MEG3: variants seen among roughly 807,000 people sequenced by gnomAD.
MEG3 encodes maternally expressed 3.
intron 2 of MEG3, among the ~76,000 whole-genome samples, chr14:100,836,619 G>A (rs1048763655): frequency 5.3e-5 from 8 of 151,220 alleles, no homozygotes; most frequent in Non-Finnish European, 1.0e-4. Flanking sequence ...CCCTCAGTAC[G>A]GCTTTGCTGA....
chr14:100,834,433 C>A (rs529533312), exon 1 of MEG3: 8 of 277,036 alleles, frequency 2.9e-5, no homozygotes, highest in African/African-American at 4.5e-5. Context: ...TAAAAACTTT[C>A]AAAAGTTAAC....
exon 1 of MEG3, chr14:100,834,656 G>T: frequency 2.2e-6 from 1 of 456,094 alleles, no homozygotes; most frequent in Non-Finnish European, 4.4e-6. Flanking sequence ...ATCCCGGGGT[G>T]CCCTTGACCA....
upstream of MEG3, chr14:100,856,093 G>A (rs573584730): frequency 1.3e-5 from 2 of 152,228 alleles, no homozygotes; most frequent in African/African-American, 4.8e-5. Flanking sequence ...AGGAGTTAAT[G>A]CCCAGCTCTG....
upstream of MEG3, chr14:100,857,012 G>A (rs1203761825): frequency 6.6e-6 from 1 of 152,190 alleles, no homozygotes; most frequent in Non-Finnish European, 1.5e-5. Context: ...GCGAGTGGTA[G>A]CGCTTACGTT....
intron 3 of MEG3, chr14:100,851,227 C>T (rs1051162939): frequency 8.5e-5 from 13 of 152,300 alleles, no homozygotes; most frequent in African/African-American, 2.2e-4. Flanking sequence ...CCCTGAGCCC[C>T]GCAGAAGGTT....
intron 2 of MEG3, among the ~76,000 whole-genome samples, chr14:100,840,037 G>A (rs1362822131): frequency 6.6e-6 from 1 of 152,220 alleles, no homozygotes; most frequent in African/African-American, 2.4e-5. Flanking sequence ...AGCCCTTGGC[G>A]ATCGTGGGCG....
At chr14:100,827,506 G>C (rs1452109600) in intron 1 of MEG3, 1 of 152,362 alleles carries the variant, frequency 6.6e-6, no homozygotes, top group African/African-American at 2.4e-5. Flanking sequence ...CGTGGCTTCG[G>C]GTGTTGTGGA....
intron 3 of MEG3, chr14:100,849,152 CAT>C (rs1044053539): frequency 2.0e-5 from 3 of 152,078 alleles, no homozygotes; most frequent in African/African-American, 4.8e-5. Flanking sequence ...TAAATAAAGA[CAT>C]AAATATGTGG....
chr14:100,836,185 G>A (rs754079969), exon 2 of MEG3: 32 of 456,122 alleles, frequency 7.0e-5, no homozygotes, highest in Middle Eastern at 3.3e-4. Context: ...GCCGTGGCCC[G>A]GCTGGGTCGG....
At chr14:100,859,498 C>G (rs752140378) in exon 1 of MEG3, 3 of 152,342 alleles carry the variant, frequency 2.0e-5, no homozygotes, top group East Asian at 3.9e-4. Flanking sequence ...TCCTCCGCCC[C>G]CCATGCCCTC....
chr14:100,835,846 T>G (rs961389411), exon 1 of MEG3: 2 of 266,190 alleles, frequency 7.5e-6, no homozygotes, highest in African/African-American at 4.7e-5. Flanking sequence ...CAGACTCCTG[T>G]CCCATCCCAG....
intron 2 of MEG3, among the ~76,000 whole-genome samples, chr14:100,842,903 A>G (rs1040497305): frequency 6.6e-6 from 1 of 152,150 alleles, no homozygotes; most frequent in Non-Finnish European, 1.5e-5. Context: ...GCTTGTGACA[A>G]TTACTCCTCT....
exon 1 of MEG3, chr14:100,860,062 G>C (rs1487344357): frequency 2.6e-5 from 4 of 153,730 alleles, no homozygotes; most frequent in Non-Finnish European, 5.8e-5. Flanking sequence ...CGGCTCTCCT[G>C]GTGGGCCCGG....
intron 1 of MEG3, among the ~76,000 whole-genome samples, chr14:100,828,000 C>T (rs2139932746): frequency 6.6e-6 from 1 of 152,218 alleles, no homozygotes; most frequent in South Asian, 2.1e-4. Context: ...GCGCAGGAGG[C>T]GCCTGGTGCG....
upstream of MEG3, chr14:100,855,178 T>C (rs1884541): frequency 0.86 from 130,866 of 152,614 alleles, 56,787 homozygotes; most frequent in Middle Eastern, 0.95. Context: ...GGTATCCGAG[T>C]TTGGGAGGCC....
At chr14:100,828,127 T>C (rs2037296791) in intron 1 of MEG3, among the ~76,000 whole-genome samples, 1 of 152,006 alleles carries the variant, frequency 6.6e-6, no homozygotes, top group Non-Finnish European at 1.5e-5. Flanking sequence ...GAGCCCTTCC[T>C]AGCCTGAGAC....
chr14:100,840,021 C>T (rs1427891302), intron 2 of MEG3, among the ~76,000 whole-genome samples: 1 of 152,198 alleles, frequency 6.6e-6, no homozygotes, highest in Non-Finnish European at 1.5e-5. Context: ...GCTCGCGTCA[C>T]CCCTGAGCCC....
intron 2 of MEG3, among the ~76,000 whole-genome samples, chr14:100,836,811 A>G (rs930365726): frequency 2.4e-4 from 36 of 149,812 alleles, no homozygotes; most frequent in African/African-American, 8.7e-4. Flanking sequence ...AGGCTTTGAT[A>G]ATGTCCTTTA....
At chr14:100,832,827 T>C (rs2037436110), downstream of MEG3, 1 of 152,310 alleles carries the variant, frequency 6.6e-6, no homozygotes, top group African/African-American at 2.4e-5. Flanking sequence ...CAGGGTTGCA[T>C]TGTAGAAAGT....
Sources: allele counts gnomAD v4.1 joint callset (sites outside exome capture counted in the v4.1 genomes callset), GRCh38; gene constraint gnomAD v4.1.1; transcripts MANE v1.5; gene names NCBI Gene and HGNC (gene_info 2026-07-23, HGNC 2026-07-21).